The following DOCK11 variants were observed in gnomAD, a reference collection of about 807,000 sequenced individuals.
DOCK11 encodes dedicator of cytokinesis 11.
A neutral mutation model predicts 169.1 loss-of-function variants in DOCK11; 70 were observed. The ratio of observed to expected loss-of-function variants is 0.41; its 90% confidence interval spans 0.34 to 0.51. DOCK11 has a LOEUF of 0.51. DOCK11 is among the 20% of genes least tolerant of loss of function. DOCK11 has a pLI of 0.10. For missense variants in DOCK11, 1,166 were observed against 1,538.8 expected, an observed-to-expected ratio of 0.76 and a Z score of 4.05; for synonymous variants, 529 against 541.3, an observed-to-expected ratio of 0.98 and a Z score of 0.32.
At chrX:118,567,404 G>A (rs1181350315) in intron 9 of DOCK11, among the ~76,000 whole-genome samples, 1 of 108,180 alleles carries the variant, frequency 9.2e-6, no homozygotes, top group Non-Finnish European at 1.9e-5. Flanking sequence ...CAAAATTTAG[G>A]GACACAGTCA....
At chrX:118,555,973 G>A (rs966365783) in intron 6 of DOCK11, among the ~76,000 whole-genome samples, 9 of 110,720 alleles carry the variant, frequency 8.1e-5, no homozygotes, top group African/African-American at 3.0e-4. Flanking sequence ...ACCCCTCTAG[G>A]TAACACACAA....
intron 16 of DOCK11, among the ~76,000 whole-genome samples, chrX:118,586,087 G>A (rs1394891274): frequency 8.9e-6 from 1 of 111,735 alleles, no homozygotes; most frequent in Non-Finnish European, 1.9e-5. Context: ...CATAAGTAGG[G>A]CATTCCAATT....
At chrX:118,502,995 CATT>C (rs2057585735) in intron 1 of DOCK11, among the ~76,000 whole-genome samples, 2 of 108,470 alleles carry the variant, frequency 1.8e-5, no homozygotes, top group South Asian at 4.1e-4. Context: ...AGGATGGACT[CATT>C]GTTGGGAGAA....
In DOCK11 at chrX:118,570,433, C is replaced by T. The variant is rs189236089; in HGVS notation, c.1036-1890C>T. 4.5e-4 allele frequency among the ~76,000 whole-genome samples: 51 copies of T among 112,132 alleles called. No homozygotes were observed. The East Asian group carries it at 0.013, about 28-fold the overall frequency. On this transcript the variant is annotated intron_variant, in intron 10 of 52. Coordinates refer to ENST00000276202, the MANE Select transcript of DOCK11 (RefSeq NM_144658.4). The stretch of plus-strand genomic sequence containing the variant: ...ATTGATCTCCATGGCAATGACTTGC[C>T]TCCACAGATGGATATGTGTTCAAGA...
At chrX:118,638,193 T>C in intron 37 of DOCK11, 66 bp downstream of exon 37, 2 of 1,060,798 alleles carry the variant, frequency 1.9e-6, no homozygotes, top group South Asian at 3.9e-5. Flanking sequence ...ATCTTAGTCA[T>C]GCCATGTAAA....
intron 4 of DOCK11, among the ~76,000 whole-genome samples, chrX:118,544,846 T>G (rs1344998751): frequency 9.5e-6 from 1 of 105,079 alleles, no homozygotes; most frequent in Non-Finnish European, 2.0e-5. Context: ...TTTTTTTTAA[T>G]TTTTGGTAGA....
chrX:118,578,371 T>C (rs936966581), intron 12 of DOCK11, among the ~76,000 whole-genome samples, 154 bp from the exon 13 acceptor site: 1 of 112,080 alleles, frequency 8.9e-6, no homozygotes, highest in Non-Finnish European at 1.9e-5. Flanking sequence ...TTGGAAGCTT[T>C]GAAAACTCTA....
intron 1 of DOCK11, among the ~76,000 whole-genome samples, chrX:118,527,738 A>G (rs1286267763): frequency 8.9e-6 from 1 of 112,169 alleles, no homozygotes; most frequent in Non-Finnish European, 1.9e-5. Context: ...TGACAAGGCA[A>G]CCTGTTTATA....
rs761797003 is a variant in DOCK11, at chrX:118,573,812, C to T, written c.1183C>T (p.Pro395Ser). The stretch of plus-strand genomic sequence containing the variant: ...TAACTGTTTTCATTCCCAGGTTGAG[C>T]CCTTTTTTATCAATCTTGCCTTATT... ...NAKGPPTNVE[P>S]FFINLALFDV... The change falls in exon 12 of 53, where the codon CCC becomes TCC. Residue 395 changes from proline to serine, a missense_variant. Pro to Ser is a moderately conservative substitution (Grantham distance 74). Transcript: ENST00000276202. 8.3e-7 allele frequency: 1 copy of T among 1,202,264 alleles called. No individual in the cohort carries two copies. The highest frequency in any genetic ancestry group is 1.8e-5 in the South Asian group (1 of 55,610).
intron 4 of DOCK11, among the ~76,000 whole-genome samples, chrX:118,544,645 CTTTTTTTTTTTTTTTTTTTTT>C (rs1157804079): frequency 8.6e-5 from 2 of 23,343 alleles, no homozygotes; most frequent in South Asian, 3.5e-3. Flanking sequence ...TACACTGTTG[CTTTTTTTTTTTTTTTTTTTTT>C]TTTTTTTTTT....
chrX:118,649,726 G>T (rs1031609134), intron 41 of DOCK11, among the ~76,000 whole-genome samples: 3 of 110,391 alleles, frequency 2.7e-5, no homozygotes, highest in Non-Finnish European at 5.7e-5. Context: ...TGTTGGCCAG[G>T]CTGGTCTCAA....
In DOCK11 at chrX:118,680,577, C is replaced by T. The variant is rs142667473; in HGVS notation, c.5556C>T (p.Thr1852=). 3.9e-5 allele frequency: 47 copies of T among 1,208,200 alleles called. No homozygotes were observed. Among genetic ancestry groups the T allele is most frequent in the Middle Eastern group, 2.3e-4 (1 of 4,369 alleles). The change falls in exon 49 of 53, where the codon ACC becomes ACT. Residue 1852 remains threonine, a synonymous_variant. Coordinates refer to ENST00000276202, the MANE Select transcript of DOCK11 (RefSeq NM_144658.4). ...FDDKELTERK[T]EFERNHNISR... The stretch of plus-strand genomic sequence containing the variant: ...ACAAAGAACTCACAGAAAGGAAGAC[C>T]GAGTTTGAAAGAAATCATAATATCA...
intron 12 of DOCK11, among the ~76,000 whole-genome samples, chrX:118,576,655 C>T (rs1232147700): frequency 1.8e-5 from 2 of 112,088 alleles, no homozygotes; most frequent in Non-Finnish European, 1.9e-5. Flanking sequence ...CGCAGTGCAG[C>T]GTAGCAGCCA....
Position 118,685,872 on chromosome X carries a change from G to A in DOCK11, c.*65G>A. 2.6e-6 allele frequency: 3 copies of A among 1,156,624 alleles called. No homozygotes were observed. Among genetic ancestry groups the A allele is most frequent in the Non-Finnish European group, 3.5e-6 (3 of 864,241 alleles). On this transcript the variant is annotated 3_prime_UTR_variant, in exon 53 of 53. Coordinates refer to ENST00000276202, the MANE Select transcript of DOCK11 (RefSeq NM_144658.4). ...CAGGAATATTTGGAGCTGTGCAAATGTTAAAATTTAAAGATTTGATATACA... is the reference window on the plus strand; with the variant it reads ...CAGGAATATTTGGAGCTGTGCAAATATTAAAATTTAAAGATTTGATATACA...
At chrX:118,568,928 A>G (rs2147385662) in intron 10 of DOCK11, among the ~76,000 whole-genome samples, 1 of 111,042 alleles carries the variant, frequency 9.0e-6, no homozygotes, top group South Asian at 3.8e-4. Flanking sequence ...TTTCTACATG[A>G]GATTTCGAAT....
Position 118,615,245 on chromosome X carries a change from T to C in DOCK11, c.3181-355T>C, listed in dbSNP as rs1044479364. ...GTTGAGAGTTTTTATTGGGGGCTGA[T>C]TATGTGTTGGAGGCTGGTCAAAATT... On this transcript the variant is annotated intron_variant, in intron 29 of 52. Transcript: ENST00000276202. Among the ~76,000 whole-genome samples, 5 of 112,039 alleles carry C rather than the reference T, an allele frequency of 4.5e-5. No individual in the cohort carries two copies. The South Asian group carries it at 1.9e-3, about 42-fold the overall frequency.
At position 118,561,395 on chromosome X, in the gene DOCK11, C is replaced by T; in HGVS notation, c.571C>T (p.Arg191Ter). The T allele has an allele frequency of 2.5e-6, 3 of 1,196,772 alleles. No homozygotes were observed. The highest frequency in any genetic ancestry group is 3.4e-6 in the Non-Finnish European group (3 of 888,461). The stretch of plus-strand genomic sequence containing the variant: ...TTTCCCCATGTAGGTATTCAAGAGA[C>T]GATATTTTTACTTGACCCAACTTCC... ...ITVTMKVFKR[R>*]YFYLTQLPDG... Residue 191 changes from arginine (R) to a stop codon, truncating the protein, a stop_gained, in exon 7 of 53, where the codon CGA (arginine) becomes TGA (stop). Transcript: ENST00000276202. LOFTEE classifies it high-confidence loss of function.
intron 20 of DOCK11, 22 bp downstream of exon 20, chrX:118,593,359 C>G (rs771747080): frequency 8.4e-7 from 1 of 1,184,270 alleles, no homozygotes; most frequent in South Asian, 1.9e-5. Flanking sequence ...CTTTAAATGT[C>G]TCTCTCTACA....
chrX:118,679,086 C>A lies in DOCK11; in HGVS notation c.5461-1396C>A, dbSNP rs753730519. ...GGACTACAGGTGTGTTACCACCATA[C>A]CCCAGCTAATTTTTTTATGTTTCTT... is the stretch of plus-strand genomic sequence containing the variant. On this transcript the variant is annotated intron_variant, in intron 48 of 52. Transcript: ENST00000276202. Among the ~76,000 whole-genome samples the A allele has an allele frequency of 3.7e-3, 403 of 110,135 alleles. 1 individual carries two copies. The highest frequency in any genetic ancestry group is 0.013 in the African/African-American group (385 of 30,281).
Sources: allele counts gnomAD v4.1 joint callset (sites outside exome capture counted in the v4.1 genomes callset), GRCh38; gene constraint gnomAD v4.1.1; transcripts MANE v1.5; gene names NCBI Gene and HGNC (gene_info 2026-07-23, HGNC 2026-07-21).